Variants in KIAA1217 observed in about 807,000 individuals in gnomAD.
KIAA1217 encodes the protein sickle tail protein homolog.
In KIAA1217, 88 loss-of-function variants were observed where a neutral mutation model predicts 163.9. The ratio of observed to expected loss-of-function variants is 0.54; its 90% CI spans 0.45 to 0.64. KIAA1217 has a LOEUF of 0.64. Ranked by LOEUF, KIAA1217 falls within the 30% of genes least tolerant of loss-of-function variation. The pLI, the probability that KIAA1217 is intolerant of heterozygous loss-of-function variation, is 0.00. For missense variants in KIAA1217, 2,372 were observed against 2,475.0 expected, an observed-to-expected ratio of 0.96 and a Z score of 0.88; for synonymous variants, 903 against 923.1, an observed-to-expected ratio of 0.98 and a Z score of 0.39.
At chr10:23,709,628 C>A (rs529959631) in intron 1 of KIAA1217, among the ~76,000 whole-genome samples, 1 of 152,082 alleles carries the variant, frequency 6.6e-6, no homozygotes, top group East Asian at 1.9e-4. Flanking sequence ...TCTTCAAAGC[C>A]TTCCTCAGAT....
intron 1 of KIAA1217, among the ~76,000 whole-genome samples, chr10:23,905,634 A>G (rs1842129305): frequency 1.3e-5 from 2 of 152,086 alleles, no homozygotes. Flanking sequence ...AGAGCAAATA[A>G]AAGGTAGGGA....
chr10:23,949,148 C>G (rs1042238272), intron 1 of KIAA1217, among the ~76,000 whole-genome samples: 5 of 152,156 alleles, frequency 3.3e-5, no homozygotes, highest in African/African-American at 9.7e-5. Context: ...TATGATCCTC[C>G]CATGAAGTCT....
chr10:23,761,655 A>T (rs1834265415), intron 1 of KIAA1217, among the ~76,000 whole-genome samples: 1 of 152,168 alleles, frequency 6.6e-6, no homozygotes, highest in African/African-American at 2.4e-5. Context: ...GCATTTGCTG[A>T]GGAGTGTTTT....
chr10:24,539,792 C>T (rs1327803727), intron 17 of KIAA1217, among the ~76,000 whole-genome samples: 5 of 152,188 alleles, frequency 3.3e-5, no homozygotes, highest in Non-Finnish European at 7.3e-5. Flanking sequence ...AGTATTTACC[C>T]TTCCATAAAT....
intron 1 of KIAA1217, among the ~76,000 whole-genome samples, chr10:24,213,021 G>A (rs916572254): frequency 2.0e-5 from 3 of 152,154 alleles, no homozygotes; most frequent in Non-Finnish European, 4.4e-5. Flanking sequence ...AAGTGAAAGG[G>A]AACACTCAAA....
chr10:24,452,296 C>A (rs1362418840), intron 5 of KIAA1217, among the ~76,000 whole-genome samples: 4 of 152,140 alleles, frequency 2.6e-5, no homozygotes, highest in East Asian at 3.9e-4. Flanking sequence ...ACCTGCACCA[C>A]CGGTGCTCCC....
chr10:24,039,434 C>T (rs1848533708), intron 2 of KIAA1217, among the ~76,000 whole-genome samples: 1 of 152,042 alleles, frequency 6.6e-6, no homozygotes, highest in Admixed American at 6.6e-5. Flanking sequence ...CGCAATACTC[C>T]CTCGATATGC....
At chr10:23,996,294 G>A (rs1846477264) in intron 1 of KIAA1217, among the ~76,000 whole-genome samples, 1 of 152,154 alleles carries the variant, frequency 6.6e-6, no homozygotes, top group Non-Finnish European at 1.5e-5. Context: ...TTGTGCTTAT[G>A]CGCCTTCTTG....
intron 2 of KIAA1217, among the ~76,000 whole-genome samples, chr10:24,193,109 G>T (rs2066804571): frequency 6.6e-6 from 1 of 152,072 alleles, no homozygotes; most frequent in African/African-American, 2.4e-5. Flanking sequence ...TTGAGAGACG[G>T]GGTCTTGCTA....
At chr10:24,521,347 G>T (rs1236351807) in intron 11 of KIAA1217, among the ~76,000 whole-genome samples, 1 of 149,928 alleles carries the variant, frequency 6.7e-6, no homozygotes, top group African/African-American at 2.5e-5. Flanking sequence ...GAAAAAAAAA[G>T]TTGAATTAGC....
intron 17 of KIAA1217, among the ~76,000 whole-genome samples, chr10:24,538,737 T>TTG (rs1564894914): frequency 7.4e-6 from 1 of 134,276 alleles, no homozygotes; most frequent in Non-Finnish European, 1.6e-5. Context: ...TTTTGGTTTT[T>TTG]TTTTTTTTTT....
intron 1 of KIAA1217, among the ~76,000 whole-genome samples, chr10:23,851,937 T>G (rs536447227): frequency 1.6e-3 from 249 of 152,260 alleles, no homozygotes; most frequent in Non-Finnish European, 3.0e-3. Flanking sequence ...GAGCAGGTTG[T>G]GAAAATTTTC....
intron 5 of KIAA1217, among the ~76,000 whole-genome samples, chr10:24,442,654 A>G (rs1310717168): frequency 6.6e-6 from 1 of 151,936 alleles, no homozygotes; most frequent in Non-Finnish European, 1.5e-5. Flanking sequence ...GTGTGTGTGT[A>G]TGTGTGTGCA....
intron 2 of KIAA1217, among the ~76,000 whole-genome samples, chr10:24,338,037 A>G (rs1022527409): frequency 6.6e-6 from 1 of 152,172 alleles, no homozygotes; most frequent in African/African-American, 2.4e-5. Context: ...TTCTAAATTT[A>G]ACTTGAATCT....
intron 1 of KIAA1217, among the ~76,000 whole-genome samples, chr10:23,738,562 G>A (rs1383809217): frequency 6.6e-6 from 1 of 151,410 alleles, no homozygotes. Flanking sequence ...GCCAGTTCTT[G>A]TTTAACACAT....
At chr10:24,433,317 T>C in intron 4 of KIAA1217, 124 bp downstream of exon 4, 1 of 637,998 alleles carries the variant, frequency 1.6e-6, no homozygotes, top group South Asian at 2.0e-5. Flanking sequence ...TTTTTGTTTT[T>C]TGTTTTTTGT....
intron 10 of KIAA1217, among the ~76,000 whole-genome samples, chr10:24,518,433 G>A (rs1044780154): frequency 6.6e-5 from 10 of 152,194 alleles, no homozygotes; most frequent in African/African-American, 2.2e-4. Flanking sequence ...CCGTATGCAA[G>A]GTTGTGAAAT....
rs74748170 is a variant in KIAA1217 at position 24,233,684 on chromosome 10, T to C, written c.354+13775T>C. ...TTCGCTTAAAGATTGGTTTACAAAG[T>C]TTTTCTTAGAATAAAATACACAATC... On this transcript the variant is annotated intron_variant, in intron 2 of 20. Coordinates refer to ENST00000376454, the MANE Select transcript of KIAA1217 (RefSeq NM_019590.5). Among the ~76,000 whole-genome samples, 634 of 152,310 alleles carry C rather than the reference T, an allele frequency of 4.2e-3. 6 individuals carry two copies. The highest frequency in any genetic ancestry group is 0.014 in the African/African-American group (602 of 41,578).
Position 24,484,249 on chromosome 10 carries a change from T to A in KIAA1217, c.1679+10189T>A, listed in dbSNP as rs1444262511. Reference sequence around the variant, plus strand: ...CATATATATATATATATATTTTTTTTTTTTTTTTTTTTTTTGAAACAGTCT... The same window carrying A: ...CATATATATATATATATATTTTTTTATTTTTTTTTTTTTTTGAAACAGTCT... On this transcript the variant is annotated intron_variant, in intron 6 of 20. Coordinates refer to ENST00000376454, the MANE Select transcript of KIAA1217 (RefSeq NM_019590.5). Among the ~76,000 whole-genome samples the A allele has an allele frequency of 3.4e-3, 340 of 99,094 alleles. 4 individuals are homozygous for A. Among genetic ancestry groups the A allele is most frequent in the African/African-American group, 0.013 (307 of 23,592 alleles). The allele number at this position is 99,094 out of a possible 152,430, so 65.0% of individuals were successfully genotyped here. A position where few individuals can be genotyped will look rare whatever the true frequency, so the allele number is the denominator to read the frequency against.
Sources: allele counts gnomAD v4.1 joint callset (sites outside exome capture counted in the v4.1 genomes callset), GRCh38; gene constraint gnomAD v4.1.1; transcripts MANE v1.5; gene names NCBI Gene and HGNC (gene_info 2026-07-23, HGNC 2026-07-21).